The following GRID2 variants were observed in gnomAD, a reference collection of about 807,000 sequenced individuals.
The protein encoded by GRID2 is glutamate receptor ionotropic, delta-2.
Under a neutral mutation model 114.8 loss-of-function variants are expected in GRID2, and 33 were observed. That is an observed-to-expected ratio of 0.29 (90% CI 0.22 to 0.38). The LOEUF (loss-of-function observed/expected upper bound fraction) is 0.38, where lower values mean the gene tolerates loss of function less well. GRID2 is among the 10% of genes least tolerant of loss of function. The pLI, the probability that GRID2 is intolerant of heterozygous loss-of-function variation, is 1.00. For missense variants in GRID2, 1,184 were observed against 1,257.7 expected (o/e 0.94, Z 0.89); for synonymous variants, 505 against 449.9 (o/e 1.12, Z -1.55).
chr4:92,463,895 A>G (rs1217093175), intron 1 of GRID2, among the ~76,000 whole-genome samples: 2 of 151,854 alleles, frequency 1.3e-5, no homozygotes, highest in Admixed American at 1.3e-4. Context: ...TGAGAATCTT[A>G]TCTTCCCATC....
chr4:93,367,293 G>A (rs1349759733), intron 8 of GRID2, among the ~76,000 whole-genome samples: 1 of 150,532 alleles, frequency 6.6e-6, no homozygotes, highest in African/African-American at 2.4e-5. Flanking sequence ...TCTCAGACTG[G>A]TCACTCTTAA....
intron 1 of GRID2, among the ~76,000 whole-genome samples, chr4:92,556,103 A>C (rs1726837457): frequency 6.6e-6 from 1 of 152,158 alleles, no homozygotes; most frequent in Non-Finnish European, 1.5e-5. Flanking sequence ...GTTGTGGACA[A>C]CCTGTGTCCT....
intron 1 of GRID2, among the ~76,000 whole-genome samples, chr4:92,363,464 G>C (rs1728709978): frequency 1.3e-5 from 2 of 151,846 alleles, no homozygotes; most frequent in Admixed American, 1.3e-4. Context: ...GGACATGTTT[G>C]ATAAGAGAAA....
At chr4:92,424,285 C>T (rs1732048110) in intron 1 of GRID2, among the ~76,000 whole-genome samples, 1 of 152,104 alleles carries the variant, frequency 6.6e-6, no homozygotes, top group Non-Finnish European at 1.5e-5. Context: ...GTACTTCTTT[C>T]TCTTCCTGTT....
At chr4:93,064,335 G>A (rs1385050225) in intron 2 of GRID2, among the ~76,000 whole-genome samples, 1 of 151,262 alleles carries the variant, frequency 6.6e-6, no homozygotes, top group East Asian at 1.9e-4. Flanking sequence ...ATAGTAATGT[G>A]ACCTACTGCT....
chr4:93,266,279 C>T lies in GRID2; in HGVS notation c.1245+27789C>T, dbSNP rs11934392. Among the ~76,000 whole-genome samples, 3,798 of 152,228 alleles carry T rather than the reference C, an allele frequency of 0.025. 211 individuals are homozygous for T. In the East Asian group the frequency reaches 0.25, roughly 10 times the overall value. ...CAAAACAATTTTATTCGAGGACCTA[C>T]TGTATACTAAACTATATTTCATAGA... is the stretch of plus-strand genomic sequence containing the variant. On this transcript the variant is annotated intron_variant, in intron 8 of 15. Coordinates refer to ENST00000282020, the MANE Select transcript of GRID2 (RefSeq NM_001510.4).
chr4:93,254,034 C>T (rs926451820), intron 8 of GRID2, among the ~76,000 whole-genome samples: 3 of 152,004 alleles, frequency 2.0e-5, no homozygotes, highest in African/African-American at 7.2e-5. Flanking sequence ...AATAAATAAT[C>T]TACCAAAGTT....
chr4:92,593,008 C>T (rs1579644282), intron 2 of GRID2, among the ~76,000 whole-genome samples: 1 of 151,900 alleles, frequency 6.6e-6, no homozygotes, highest in African/African-American at 2.4e-5. Flanking sequence ...ACTATGCAAA[C>T]TTGTATTGAG....
intron 2 of GRID2, among the ~76,000 whole-genome samples, chr4:92,859,928 G>A (rs539563047): frequency 3.9e-5 from 6 of 152,168 alleles, no homozygotes; most frequent in Admixed American, 3.9e-4. Flanking sequence ...GATGCCATTA[G>A]CACCCCTCTA....
rs9994472 is a variant in GRID2 at position 93,119,395 on chromosome 4, T to C, written c.735+8442T>C. Reference sequence around the variant, plus strand: ...ATTTGTTGCTGTGTACATTATAGTCTTTCCAGAAACAATACAAAAAAATTC... The same window carrying C: ...ATTTGTTGCTGTGTACATTATAGTCCTTCCAGAAACAATACAAAAAAATTC... On this transcript the variant is annotated intron_variant, in intron 4 of 15. Transcript: ENST00000282020. 4.8e-4 allele frequency among the ~76,000 whole-genome samples: 73 copies of C among 152,304 alleles called. 1 individual carries two copies. Among genetic ancestry groups the C allele is most frequent in the African/African-American group, 1.7e-3 (71 of 41,586 alleles).
At chr4:93,651,136 T>C (rs1462366066) in intron 14 of GRID2, among the ~76,000 whole-genome samples, 1 of 152,144 alleles carries the variant, frequency 6.6e-6, no homozygotes, top group Non-Finnish European at 1.5e-5. Context: ...AATATTTAAA[T>C]AATGAGCCAA....
intron 10 of GRID2, among the ~76,000 whole-genome samples, chr4:93,426,473 A>G (rs1002070156): frequency 6.6e-6 from 1 of 152,186 alleles, no homozygotes; most frequent in African/African-American, 2.4e-5. Context: ...CTAATAAACT[A>G]CACTTGCTAG....
At chr4:93,429,562 C>T (rs769883853) in intron 10 of GRID2, among the ~76,000 whole-genome samples, 6 of 152,054 alleles carry the variant, frequency 3.9e-5, no homozygotes, top group African/African-American at 1.2e-4. Flanking sequence ...AGCGTTTCCA[C>T]CACCTGGAAA....
intron 8 of GRID2, among the ~76,000 whole-genome samples, chr4:93,329,417 C>G (rs534232307): frequency 2.4e-4 from 37 of 152,168 alleles, no homozygotes; most frequent in Admixed American, 5.2e-4. Context: ...TTTTTGATAT[C>G]TGTTAATAAT....
At chr4:93,365,072 A>G (rs768099149) in intron 8 of GRID2, among the ~76,000 whole-genome samples, 10 of 151,790 alleles carry the variant, frequency 6.6e-5, no homozygotes, top group Non-Finnish European at 1.2e-4. Context: ...TTGGTTCTCT[A>G]CTGATGTTTC....
intron 1 of GRID2, among the ~76,000 whole-genome samples, chr4:92,321,194 T>G (rs1726294559): frequency 6.6e-6 from 1 of 152,138 alleles, no homozygotes; most frequent in Non-Finnish European, 1.5e-5. Flanking sequence ...GGGACAGAGA[T>G]CCCATTTAGA....
intron 11 of GRID2, among the ~76,000 whole-genome samples, chr4:93,462,001 A>C (rs1449236813): frequency 3.9e-5 from 6 of 152,174 alleles, no homozygotes; most frequent in Admixed American, 3.9e-4. Flanking sequence ...GAAATTTCAG[A>C]ATTATCTTCA....
intron 10 of GRID2, among the ~76,000 whole-genome samples, chr4:93,436,681 A>G (rs1006349646): frequency 2.0e-5 from 3 of 152,182 alleles, no homozygotes; most frequent in African/African-American, 7.2e-5. Flanking sequence ...AATCATAATG[A>G]ACTAAATTAA....
chr4:92,706,325 T>C (rs1175329557), intron 2 of GRID2, among the ~76,000 whole-genome samples: 1 of 152,186 alleles, frequency 6.6e-6, no homozygotes, highest in East Asian at 1.9e-4. Context: ...CTAGAAAAGC[T>C]CACCTATTTT....
Sources: gnomAD v4.1 joint callset for allele counts (sites outside exome capture counted in the v4.1 genomes callset) on GRCh38, gnomAD v4.1.1 for gene constraint, MANE v1.5 for transcripts, NCBI Gene and HGNC (gene_info 2026-07-23, HGNC 2026-07-21) for gene names.